The following TM9SF3 variants were observed in gnomAD, a reference collection of about 807,000 sequenced individuals.
TM9SF3 encodes transmembrane 9 superfamily member 3.
TM9SF3 carries 14 observed loss-of-function variants against 78.6 expected under a neutral mutation model. The ratio of observed to expected loss-of-function variants is 0.18; its 90% CI spans 0.12 to 0.28. TM9SF3 has a LOEUF of 0.28. Ranked by LOEUF, TM9SF3 falls within the 10% of genes least tolerant of loss-of-function variation. The pLI is 1.00. For missense variants in TM9SF3, 496 were observed against 721.9 expected (o/e 0.69, Z 3.59); for synonymous variants, 231 against 241.7 (o/e 0.96, Z 0.41).
chr10:96,586,460 C>T (rs369538016), intron 1 of TM9SF3, among the ~76,000 whole-genome samples: 1 of 152,122 alleles, frequency 6.6e-6, no homozygotes, highest in African/African-American at 2.4e-5. Flanking sequence ...CCCAGGGTCC[C>T]AGGAACCCCG....
In TM9SF3 at chr10:96,559,690, T is replaced by C. The variant is rs778925290; in HGVS notation, c.629A>G (p.Lys210Arg). ...TTGAAAAAAGGACGGATCAAGATAT[T>C]TGTCAAATCGATCTTCAAATTTCAC... ...SDVKFEDRFD[K>R]YLDPSFFQHR... Residue 210 changes from lysine to arginine, a missense_variant, in exon 5 of 15, where the codon AAA (lysine) becomes AGA (arginine). Around this residue, in one of 4 missense-constraint regions of TM9SF3, gnomAD observed 155 missense variants for 241.6 expected, o/e 0.64. Coordinates refer to ENST00000371142, the MANE Select transcript of TM9SF3 (RefSeq NM_020123.4). 3 of 1,596,162 alleles carry C rather than the reference T, an allele frequency of 1.9e-6. No homozygotes were observed. The highest frequency in any genetic ancestry group is 2.6e-6 in the Non-Finnish European group (3 of 1,169,218).
At chr10:96,551,718 C>A (rs113980717) in intron 6 of TM9SF3, among the ~76,000 whole-genome samples, 2 of 152,192 alleles carry the variant, frequency 1.3e-5, no homozygotes, top group Non-Finnish European at 2.9e-5. Flanking sequence ...TCTCTTAATG[C>A]CACTTTCAGA....
At chr10:96,557,178 C>T (rs1207990105) in intron 5 of TM9SF3, among the ~76,000 whole-genome samples, 2 of 152,156 alleles carry the variant, frequency 1.3e-5, no homozygotes, top group African/African-American at 2.4e-5. Context: ...CTAGCCCAGA[C>T]CTCTCTCCTG....
In TM9SF3 at chr10:96,551,113, TATG is replaced by T. The variant is rs1209911048; in HGVS notation, c.959+129_959+131del. 7.0e-5 allele frequency: 56 copies of T among 802,736 alleles called. No homozygotes were observed. In the African/African-American group the frequency reaches 8.1e-4, roughly 12 times the overall value. 49.7% of individuals were successfully genotyped at this position (802,736 alleles called of 1,614,324 possible). A position where few individuals can be genotyped will look rare whatever the true frequency, so the allele number is the denominator to read the frequency against. On this transcript the variant is annotated intron_variant, in intron 7 of 14. Coordinates refer to ENST00000371142, the MANE Select transcript of TM9SF3 (RefSeq NM_020123.4). ...ATTATTTAATTTGTCTGTCTGCATTTATGATATTTATCATAAACTGTAAGATAA... is the reference window on the plus strand; with the variant it reads ...ATTATTTAATTTGTCTGTCTGCATTTATATTTATCATAAACTGTAAGATAA...
rs1848278947 is a variant in TM9SF3, at chr10:96,559,660, C to T, written c.659G>A (p.Arg220Gln). ...TCTTAAAATACACTATTTACCTACC[C>T]GATGTTGAAAAAAGGACGGATCAAG... ...KYLDPSFFQHRIHWFSIFNSF... is the reference protein window; with the variant it reads ...KYLDPSFFQHQIHWFSIFNSF... The change falls in exon 5 of 15, where the codon CGG (arginine) becomes CAG (glutamine). Residue 220 changes from arginine (R) to glutamine (Q), a missense_variant and splice_region_variant. Around this residue, in one of 4 missense-constraint regions of TM9SF3, gnomAD observed 155 missense variants for 241.6 expected, o/e 0.64. Coordinates refer to ENST00000371142, the MANE Select transcript of TM9SF3 (RefSeq NM_020123.4). 4 of 1,584,162 alleles carry T rather than the reference C, an allele frequency of 2.5e-6. No homozygotes were observed. The highest frequency in any genetic ancestry group is 3.4e-6 in the Non-Finnish European group (4 of 1,161,468).
intron 3 of TM9SF3, 67 bp downstream of exon 3, chr10:96,565,233 TAACA>T: frequency 7.3e-7 from 1 of 1,376,386 alleles, no homozygotes; most frequent in East Asian, 2.7e-5. Flanking sequence ...ACAATCACCT[TAACA>T]GAGTCATTTT....
rs1053143540 is a variant in TM9SF3 at position 96,521,737 on chromosome 10, A to G, written c.*526T>C. Reference sequence around the variant, plus strand: ...TGCTGTTGGATTGGGAAAAAAAAAAAGTCAAAAAAGAACCCAGATTCAATA... The same window carrying G: ...TGCTGTTGGATTGGGAAAAAAAAAAGGTCAAAAAAGAACCCAGATTCAATA... On this transcript the variant is annotated 3_prime_UTR_variant, in exon 15 of 15. Transcript: ENST00000371142. 17 of 149,258 alleles carry G rather than the reference A, an allele frequency of 1.1e-4. No homozygotes were observed. The highest frequency in any genetic ancestry group is 4.2e-4 in the African/African-American group (17 of 40,636). The allele number at this position is 149,258 out of a possible 1,614,324, so 9.2% of individuals were successfully genotyped here. A position where few individuals can be genotyped will look rare whatever the true frequency, so the allele number is the denominator to read the frequency against.
chr10:96,521,437 T>TTA lies in TM9SF3; in HGVS notation c.*824_*825dup, dbSNP rs1847771428. ...CTTGGGGGGAAAAAAGATAATCACTTTAGACATTCAGTTAAAATGTAGTTT... is the reference window on the plus strand; with the variant it reads ...CTTGGGGGGAAAAAAGATAATCACTTTATAGACATTCAGTTAAAATGTAGTTT... On this transcript the variant is annotated 3_prime_UTR_variant, in exon 15 of 15. Coordinates refer to ENST00000371142, the MANE Select transcript of TM9SF3 (RefSeq NM_020123.4). 6.6e-6 allele frequency: 1 copy of TTA among 152,406 alleles called. No individual in the cohort carries two copies. The highest frequency in any genetic ancestry group is 2.4e-5 in the African/African-American group (1 of 41,412). 9.4% of individuals were successfully genotyped at this position (152,406 alleles called of 1,614,324 possible).
chr10:96,580,512 C>T (rs1848554644), intron 1 of TM9SF3, among the ~76,000 whole-genome samples: 1 of 152,212 alleles, frequency 6.6e-6, no homozygotes, highest in Middle Eastern at 3.4e-3. Context: ...GTGATCCACC[C>T]GCCTCGGCCT....
chr10:96,541,870 C>T (rs1274915510), intron 9 of TM9SF3, among the ~76,000 whole-genome samples: 2 of 152,216 alleles, frequency 1.3e-5, no homozygotes, highest in Non-Finnish European at 2.9e-5. Flanking sequence ...GCTTCTCAGA[C>T]ACATGGCACC....
Position 96,551,371 on chromosome 10 carries a change from T to C in TM9SF3, c.833A>G (p.His278Arg), listed in dbSNP as rs779362271. The C allele has an allele frequency of 6.2e-7, 1 of 1,612,114 alleles. No homozygotes were observed. The highest frequency in any genetic ancestry group is 8.5e-7 in the Non-Finnish European group (1 of 1,179,096). ...ACTTGATGGTCTAAATACATCTCCA[T>C]GCACCTGTTTCCATCCATATTCATC... ...LGDEYGWKQV[H>R]GDVFRPSSHP... Residue 278 changes from histidine to arginine, a missense_variant, in exon 7 of 15, where the codon CAT becomes CGT. By Grantham distance (29) the His-to-Arg change is conservative. Coordinates refer to ENST00000371142, the MANE Select transcript of TM9SF3 (RefSeq NM_020123.4).
chr10:96,552,106 C>T (rs1848177490), intron 6 of TM9SF3, among the ~76,000 whole-genome samples: 1 of 151,962 alleles, frequency 6.6e-6, no homozygotes, highest in African/African-American at 2.4e-5. Flanking sequence ...ATGCTTTATC[C>T]ACCCTCTGAT....
At chr10:96,580,582 C>T (rs572912430) in intron 1 of TM9SF3, among the ~76,000 whole-genome samples, 1 of 152,126 alleles carries the variant, frequency 6.6e-6, no homozygotes, top group East Asian at 1.9e-4. Context: ...CATCTTCTTT[C>T]GTCATTCCAC....
intron 8 of TM9SF3, among the ~76,000 whole-genome samples, chr10:96,545,918 TCA>T (rs1173400160): frequency 7.0e-6 from 1 of 143,394 alleles, no homozygotes; most frequent in Non-Finnish European, 1.5e-5. Flanking sequence ...AATCAATCAA[TCA>T]ATCTCCTTAT....
chr10:96,565,434 A>G lies in TM9SF3; in HGVS notation c.299-8T>C. The G allele has an allele frequency of 6.5e-7, 1 of 1,542,856 alleles. No individual in the cohort carries two copies. Among genetic ancestry groups the G allele is most frequent in the Non-Finnish European group, 8.6e-7 (1 of 1,158,602 alleles). On this transcript the variant is annotated splice_region_variant and splice_polypyrimidine_tract_variant and intron_variant, in intron 2 of 14. Coordinates refer to ENST00000371142, the MANE Select transcript of TM9SF3 (RefSeq NM_020123.4). ...TGGCTGGCATCACATCATCTGCACA[A>G]AATAAAAATTGCAAATTAGCCCACT...
At chr10:96,544,336 C>A in intron 8 of TM9SF3, 130 bp from the exon 9 acceptor site, 1 of 814,170 alleles carries the variant, frequency 1.2e-6, no homozygotes, top group Non-Finnish European at 1.8e-6. Context: ...CTAACAAATA[C>A]CAAAGATTTC....
intron 14 of TM9SF3, among the ~76,000 whole-genome samples, chr10:96,526,343 GAT>G (rs1181151928): frequency 6.6e-6 from 1 of 151,956 alleles, no homozygotes; most frequent in Non-Finnish European, 1.5e-5. Context: ...CACTCTGAAA[GAT>G]ATGCCCATTT....
chr10:96,548,041 C>T (rs1278510965), intron 7 of TM9SF3, 52 bp from the exon 8 acceptor site: 2 of 1,224,928 alleles, frequency 1.6e-6, no homozygotes. Context: ...TTAAAGAAAA[C>T]ATCATAGTCT....
chr10:96,536,870 C>T (rs985586276), intron 9 of TM9SF3, among the ~76,000 whole-genome samples: 1 of 152,182 alleles, frequency 6.6e-6, no homozygotes, highest in African/African-American at 2.4e-5. Context: ...GATCATAGAG[C>T]ACTACAGCCT....
Sources: allele counts gnomAD v4.1 joint callset (sites outside exome capture counted in the v4.1 genomes callset), GRCh38; gene constraint gnomAD v4.1.1; regional missense constraint gnomAD v4.1.1; transcripts MANE v1.5; gene names NCBI Gene and HGNC (gene_info 2026-07-23, HGNC 2026-07-21).